Variants in FMN1 observed in about 807,000 individuals in gnomAD.
FMN1 encodes formin-1.
FMN1 carries 110 observed loss-of-function variants against 132.4 expected under a neutral mutation model. The ratio of observed to expected loss-of-function variants is 0.83; its 90% CI spans 0.71 to 0.97. The LOEUF is 0.97. FMN1 is among the 50% of genes least tolerant of loss of function. FMN1 has a pLI of 0.00. For synonymous variants in FMN1, 722 were observed against 651.7 expected, an observed-to-expected ratio of 1.11 and a Z score of -1.64; for missense variants, 1,792 against 1,705.3, an observed-to-expected ratio of 1.05 and a Z score of -0.90.
At position 32,969,321 on chromosome 15, in the gene FMN1, C is replaced by T. The variant is rs1236046109; in HGVS notation, c.2380G>A (p.Asp794Asn). The T allele has an allele frequency of 6.2e-7, 1 of 1,613,996 alleles. No individual in the cohort carries two copies. Among genetic ancestry groups the T allele is most frequent in the South Asian group, 1.1e-5 (1 of 91,080 alleles). The change falls in exon 8 of 21, where the codon GAC (aspartate) becomes AAC (asparagine). Residue 794 changes from aspartate (D) to asparagine (N), a missense_variant. Physicochemically the swap from Asp to Asn is conservative, Grantham distance 23. Transcript: ENST00000616417. ...RKDVCISTDD[D>N]CPPKTFRNVC... ...TTTCTGAAGGTCTTTGGAGGGCAGT[C>T]ATCATCGGTGGAAATGCACACATCT...
intron 8 of FMN1, among the ~76,000 whole-genome samples, chr15:32,967,267 T>C (rs1363951158): frequency 1.3e-5 from 2 of 152,196 alleles, no homozygotes; most frequent in African/African-American, 4.8e-5. Context: ...GTGGGACTCT[T>C]TGATGGCTGC....
intron 4 of FMN1, among the ~76,000 whole-genome samples, chr15:33,108,966 G>A (rs1566922823): frequency 6.6e-6 from 1 of 152,128 alleles, no homozygotes; most frequent in African/African-American, 2.4e-5. Flanking sequence ...TACCAGGACA[G>A]AGAAGGAGTT....
intron 4 of FMN1, chr15:33,150,377 G>C (rs1964394908): frequency 1.0e-6 from 1 of 985,442 alleles, no homozygotes; most frequent in Non-Finnish European, 1.2e-6. Context: ...CCAATCTCCA[G>C]GTTGGTGGTG....
chr15:32,792,430 G>C (rs898870913), intron 19 of FMN1, among the ~76,000 whole-genome samples: 2 of 150,958 alleles, frequency 1.3e-5, no homozygotes, highest in Admixed American at 6.6e-5. Flanking sequence ...GGGCGACAGA[G>C]CAAGACTCTG....
At position 33,127,993 on chromosome 15, in the gene FMN1, C is replaced by A. The variant is rs74728810; in HGVS notation, c.1867+25055G>T. On this transcript the variant is annotated intron_variant, in intron 4 of 20. Coordinates refer to ENST00000616417, the MANE Select transcript of FMN1 (RefSeq NM_001277313.2). ...GGAAAGGAAGGTAACAGAAGGGCAA[C>A]GGGGGAAGGGGAAAATAGACAAATC... Among the ~76,000 whole-genome samples, 197 of 151,934 alleles carry A rather than the reference C, an allele frequency of 1.3e-3. 5 individuals are homozygous for A. The East Asian group carries it at 0.033, about 26-fold the overall frequency.
intron 19 of FMN1, among the ~76,000 whole-genome samples, chr15:32,786,004 A>C (rs537258211): frequency 6.6e-6 from 1 of 152,356 alleles, no homozygotes; most frequent in South Asian, 2.1e-4. Flanking sequence ...AATGGTCTAA[A>C]AAATGGATAC....
chr15:33,070,434 A>G (rs1198625695), intron 5 of FMN1, among the ~76,000 whole-genome samples: 1 of 149,254 alleles, frequency 6.7e-6, no homozygotes. Context: ...TTTCTCAGAC[A>G]TAACTAATTA....
At chr15:32,936,081 T>G (rs544536676) in intron 9 of FMN1, among the ~76,000 whole-genome samples, 1 of 152,338 alleles carries the variant, frequency 6.6e-6, no homozygotes, top group South Asian at 2.1e-4. Flanking sequence ...CAATATTTGT[T>G]TGGTTCTTCA....
chr15:32,796,867 T>A (rs966688748), intron 19 of FMN1, among the ~76,000 whole-genome samples: 1 of 152,194 alleles, frequency 6.6e-6, no homozygotes, highest in Non-Finnish European at 1.5e-5. Context: ...TTAGCCATCA[T>A]CAACTTTCAG....
At chr15:33,053,466 C>T (rs1324965227) in intron 6 of FMN1, among the ~76,000 whole-genome samples, 3 of 152,222 alleles carry the variant, frequency 2.0e-5, no homozygotes, top group East Asian at 3.9e-4. Flanking sequence ...TGCAGCATGC[C>T]GAGTAGACGG....
chr15:32,886,981 C>T (rs892796539), intron 16 of FMN1, among the ~76,000 whole-genome samples: 5 of 152,040 alleles, frequency 3.3e-5, no homozygotes, highest in Admixed American at 3.3e-4. Flanking sequence ...TGAATTCATT[C>T]AACCACATCA....
chr15:32,888,896 T>C (rs1394551148), intron 15 of FMN1, among the ~76,000 whole-genome samples: 1 of 151,154 alleles, frequency 6.6e-6, no homozygotes, highest in African/African-American at 2.4e-5. Context: ...CCTTGCTTTG[T>C]CACCCAGGCT....
chr15:32,907,122 A>AG (rs1452620097), intron 12 of FMN1, among the ~76,000 whole-genome samples: 1 of 152,164 alleles, frequency 6.6e-6, no homozygotes, highest in Non-Finnish European at 1.5e-5. Context: ...TCCACAGGCC[A>AG]GGGGTTGGGG....
chr15:33,102,839 TA>T (rs2039345663), intron 4 of FMN1, among the ~76,000 whole-genome samples: 1 of 152,158 alleles, frequency 6.6e-6, no homozygotes. Flanking sequence ...GTATTCAGTG[TA>T]AAGAAATGTA....
intron 7 of FMN1, among the ~76,000 whole-genome samples, chr15:32,978,941 G>C (rs1221859278): frequency 1.3e-5 from 2 of 152,168 alleles, no homozygotes; most frequent in Non-Finnish European, 2.9e-5. Flanking sequence ...TTATCAAATG[G>C]AGTCAGTTGA....
Position 33,153,736 on chromosome 15 carries a change from A to G in FMN1, c.1179T>C (p.Asp393=). 6.5e-7 allele frequency: 1 copy of G among 1,536,130 alleles called. No individual in the cohort carries two copies. Among genetic ancestry groups the G allele is most frequent in the Non-Finnish European group, 8.7e-7 (1 of 1,146,918 alleles). ...CCCCGGCTGGCGACTGCGATGACCT[A>G]TCCCCTTGCCGCTCCTTGCCCTGCC... is the stretch of plus-strand genomic sequence containing the variant. ...SRRQGKERQG[D]RSSQSPAGET... The change falls in exon 4 of 21, where the codon GAT becomes GAC. Residue 393 remains aspartate, a synonymous_variant. Coordinates refer to ENST00000616417, the MANE Select transcript of FMN1 (RefSeq NM_001277313.2).
intron 7 of FMN1, among the ~76,000 whole-genome samples, chr15:32,998,961 C>T (rs1277042219): frequency 1.3e-5 from 2 of 152,124 alleles, no homozygotes; most frequent in Admixed American, 6.5e-5. Context: ...ATGTACCTAC[C>T]GGATTCTAGG....
chr15:32,834,882 A>G (rs1034737711), intron 17 of FMN1, among the ~76,000 whole-genome samples: 1 of 152,216 alleles, frequency 6.6e-6, no homozygotes, highest in African/African-American at 2.4e-5. Flanking sequence ...CACACAGAGA[A>G]ATCTAAGGCT....
chr15:32,918,834 C>T (rs2060747929), intron 10 of FMN1, among the ~76,000 whole-genome samples: 2 of 152,138 alleles, frequency 1.3e-5, no homozygotes, highest in Admixed American at 6.6e-5. Context: ...AGAAATGCCA[C>T]CCTCTGCTTT....
Sources: allele counts gnomAD v4.1 joint callset (sites outside exome capture counted in the v4.1 genomes callset), GRCh38; gene constraint gnomAD v4.1.1; transcripts MANE v1.5; gene names NCBI Gene and HGNC (gene_info 2026-07-23, HGNC 2026-07-21).